The following DOCK3 variants were observed in gnomAD, a reference collection of about 807,000 sequenced individuals.
The protein encoded by DOCK3 is dedicator of cytokinesis protein 3.
A neutral mutation model predicts 265.6 loss-of-function variants in DOCK3; 60 were observed. The observed-to-expected ratio is 0.23, with a 90% CI of 0.18 to 0.28. DOCK3 has a LOEUF of 0.28. DOCK3 is among the 10% of genes least tolerant of loss of function. The probability of loss-of-function intolerance (pLI) is 1.00; values close to 1 mark genes in which losing one functional copy is unlikely to be tolerated. For synonymous variants in DOCK3, 881 were observed against 938.0 expected (o/e 0.94, Z 1.11); for missense variants, 1,981 against 2,594.3 (o/e 0.76, Z 5.14).
chr3:50,991,730 C>A (rs2078111772), intron 5 of DOCK3, among the ~76,000 whole-genome samples: 1 of 152,072 alleles, frequency 6.6e-6, no homozygotes, highest in Admixed American at 6.5e-5. Flanking sequence ...CTACATTGGA[C>A]CAATTGCATC....
intron 4 of DOCK3, among the ~76,000 whole-genome samples, chr3:50,904,449 G>A (rs372875430): frequency 2.4e-4 from 36 of 152,168 alleles, no homozygotes; most frequent in Non-Finnish European, 2.9e-4. Context: ...TTTAATGATC[G>A]CCATTCTAAC....
chr3:50,827,619 A>G (rs1427171907), intron 2 of DOCK3, among the ~76,000 whole-genome samples: 1 of 152,156 alleles, frequency 6.6e-6, no homozygotes, highest in Non-Finnish European at 1.5e-5. Flanking sequence ...AGAATGGTGC[A>G]AAAGTAATTG....
chr3:51,029,527 G>A (rs1440583048), intron 5 of DOCK3, among the ~76,000 whole-genome samples: 1 of 152,214 alleles, frequency 6.6e-6, no homozygotes, highest in East Asian at 1.9e-4. Context: ...GGGGAACAGG[G>A]GGAAAGAGAT....
intron 7 of DOCK3, among the ~76,000 whole-genome samples, chr3:51,085,585 C>A (rs2082389669): frequency 6.6e-6 from 1 of 151,766 alleles, no homozygotes; most frequent in Non-Finnish European, 1.5e-5. Flanking sequence ...AGTGAATGAA[C>A]AAATTAAAAA....
intron 1 of DOCK3, among the ~76,000 whole-genome samples, chr3:50,728,222 G>A (rs921013499): frequency 6.6e-6 from 1 of 152,150 alleles, no homozygotes; most frequent in East Asian, 1.9e-4. Flanking sequence ...AAAATATTTT[G>A]TCATGCAGGG....
intron 1 of DOCK3, among the ~76,000 whole-genome samples, chr3:50,693,020 G>A (rs1291362881): frequency 1.3e-5 from 2 of 152,138 alleles, no homozygotes; most frequent in African/African-American, 4.8e-5. Flanking sequence ...CACCATGGTC[G>A]AGTATCATTT....
intron 2 of DOCK3, among the ~76,000 whole-genome samples, chr3:50,801,809 A>G (rs1050220530): frequency 3.9e-5 from 6 of 152,196 alleles, no homozygotes; most frequent in African/African-American, 1.4e-4. Flanking sequence ...TGAAGTCCAC[A>G]GCTATTATTG....
chr3:51,296,876 T>C (rs1364240561), intron 27 of DOCK3, among the ~76,000 whole-genome samples: 1 of 152,086 alleles, frequency 6.6e-6, no homozygotes, highest in Non-Finnish European at 1.5e-5. Context: ...CCCAGCACTT[T>C]GGGCGTCTGA....
chr3:51,223,591 A>G (rs528962701), intron 14 of DOCK3, among the ~76,000 whole-genome samples: 20 of 152,306 alleles, frequency 1.3e-4, no homozygotes, highest in South Asian at 4.1e-4. Flanking sequence ...ACCTTGTGCT[A>G]TATCAGTCTA....
At chr3:51,199,898 A>G (rs2107982890) in intron 12 of DOCK3, among the ~76,000 whole-genome samples, 1 of 152,262 alleles carries the variant, frequency 6.6e-6, no homozygotes, top group Admixed American at 6.5e-5. Context: ...TTCTGCAGAC[A>G]CCGCTGCTGA....
chr3:51,145,471 CA>C (rs2085255942), intron 9 of DOCK3, among the ~76,000 whole-genome samples: 1 of 152,262 alleles, frequency 6.6e-6, no homozygotes, highest in East Asian at 1.9e-4. Context: ...TGAGCTGTAA[CA>C]TTTTTTAAGA....
At chr3:50,979,196 C>T (rs1355253152) in intron 5 of DOCK3, among the ~76,000 whole-genome samples, 1 of 152,148 alleles carries the variant, frequency 6.6e-6, no homozygotes, top group Non-Finnish European at 1.5e-5. Context: ...TTGTTTGTGT[C>T]TTCTTCAACT....
chr3:51,342,246 C>T (rs1401696437), intron 38 of DOCK3, among the ~76,000 whole-genome samples: 1 of 152,164 alleles, frequency 6.6e-6, no homozygotes, highest in Non-Finnish European at 1.5e-5. Context: ...ACATGGGGGA[C>T]TTCTATGTTT....
chr3:50,709,607 C>T lies in DOCK3; in HGVS notation c.37+34307C>T, dbSNP rs149208029. On this transcript the variant is annotated intron_variant, in intron 1 of 52. Transcript: ENST00000266037. ...TTGGGAGGCCGAGGTGGGCCTATCA[C>T]GTAAGGTCGGGAGTTCAAGACCAGA... Among the ~76,000 whole-genome samples, 863 of 152,164 alleles carry T rather than the reference C, an allele frequency of 5.7e-3. 10 individuals are homozygous for T. Among genetic ancestry groups the T allele is most frequent in the African/African-American group, 0.018 (747 of 41,520 alleles).
intron 10 of DOCK3, among the ~76,000 whole-genome samples, chr3:51,152,715 C>G (rs969520267): frequency 6.6e-6 from 1 of 152,192 alleles, no homozygotes; most frequent in African/African-American, 2.4e-5. Flanking sequence ...TGATGCTATT[C>G]CCTTCTGTTT....
At chr3:50,922,967 C>T (rs756739263) in intron 4 of DOCK3, among the ~76,000 whole-genome samples, 16 of 152,092 alleles carry the variant, frequency 1.1e-4, no homozygotes, top group Admixed American at 4.6e-4. Flanking sequence ...CATTCTTAAG[C>T]CTTTTCATCC....
chr3:51,135,909 C>T (rs2084773200), intron 9 of DOCK3, among the ~76,000 whole-genome samples: 1 of 152,006 alleles, frequency 6.6e-6, no homozygotes, highest in Admixed American at 6.5e-5. Context: ...AGGATCTCGC[C>T]ATATTTCCAA....
At chr3:51,092,209 T>C (rs2082664705) in intron 9 of DOCK3, among the ~76,000 whole-genome samples, 2 of 152,104 alleles carry the variant, frequency 1.3e-5, no homozygotes, top group African/African-American at 4.8e-5. Flanking sequence ...AGCCAAGTGG[T>C]CTGGTTTGGC....
chr3:51,239,193 C>T (rs981216536), intron 21 of DOCK3, among the ~76,000 whole-genome samples: 4 of 39,742 alleles, frequency 1.0e-4, no homozygotes, highest in South Asian at 1.1e-3. Context: ...AAAGATAAAG[C>T]GTACTTTTTA....
Sources: gnomAD v4.1 joint callset for allele counts (sites outside exome capture counted in the v4.1 genomes callset) on GRCh38, gnomAD v4.1.1 for gene constraint, MANE v1.5 for transcripts, NCBI Gene and HGNC (gene_info 2026-07-23, HGNC 2026-07-21) for gene names.